DLGAP2: variants seen among roughly 807,000 people sequenced by gnomAD.
DLGAP2 encodes the protein disks large-associated protein 2.
DLGAP2 carries 26 observed loss-of-function variants against 100.3 expected under a neutral mutation model. The observed-to-expected ratio is 0.26, with a 90% confidence interval of 0.19 to 0.36. The LOEUF is 0.36. Among genes scored for constraint, DLGAP2 ranks in the 10% least tolerant of loss-of-function variants. The pLI is 1.00. For synonymous variants in DLGAP2, 886 were observed against 630.1 expected, an observed-to-expected ratio of 1.41 and a Z score of -6.08; for missense variants, 1,858 against 1,453.2, an observed-to-expected ratio of 1.28 and a Z score of -4.53.
intron 2 of DLGAP2, among the ~76,000 whole-genome samples, chr8:1,049,482 C>A (rs562839868): frequency 1.3e-5 from 2 of 152,150 alleles, no homozygotes; most frequent in East Asian, 3.9e-4. Flanking sequence ...ACAATTTACC[C>A]TTTTATCCTT....
chr8:1,547,446 G>A (rs1017584624), intron 4 of DLGAP2, among the ~76,000 whole-genome samples: 2 of 152,044 alleles, frequency 1.3e-5, no homozygotes, highest in Non-Finnish European at 2.9e-5. Flanking sequence ...GGAGGCCATC[G>A]TGATGGTCCT....
intron 1 of DLGAP2, among the ~76,000 whole-genome samples, chr8:872,875 G>A (rs1797624767): frequency 6.6e-6 from 1 of 152,140 alleles, no homozygotes; most frequent in Non-Finnish European, 1.5e-5. Context: ...CCAGGGTGGG[G>A]CAGGTGCCAG....
intron 2 of DLGAP2, among the ~76,000 whole-genome samples, chr8:923,298 C>G (rs926451176): frequency 5.9e-5 from 9 of 152,290 alleles, no homozygotes; most frequent in Middle Eastern, 3.4e-3. Context: ...TCAGTCTTGG[C>G]AGATAAGCTT....
chr8:1,683,954 G>GTTTATATATATATATA (rs1450063590), intron 12 of DLGAP2, among the ~76,000 whole-genome samples: 1 of 74,754 alleles, frequency 1.3e-5, no homozygotes, highest in Non-Finnish European at 2.3e-5. Context: ...ATATATGTGT[G>GTTTATATATATATATA]TATATATATA....
intron 3 of DLGAP2, among the ~76,000 whole-genome samples, chr8:1,453,674 T>C (rs901074050): frequency 6.6e-6 from 1 of 152,178 alleles, no homozygotes; most frequent in Admixed American, 6.5e-5. Flanking sequence ...CCGAACTCTC[T>C]ACCTGGGCCT....
chr8:1,528,989 C>A (rs1054126277), intron 4 of DLGAP2, among the ~76,000 whole-genome samples: 2 of 152,190 alleles, frequency 1.3e-5, no homozygotes, highest in African/African-American at 4.8e-5. Context: ...GATATTTAAC[C>A]TTCCTCATGT....
intron 2 of DLGAP2, among the ~76,000 whole-genome samples, chr8:1,063,188 C>T (rs1420721816): frequency 2.0e-5 from 3 of 152,196 alleles, no homozygotes; most frequent in African/African-American, 7.2e-5. Context: ...CAAAGTGCTG[C>T]CATATATTTG....
intron 2 of DLGAP2, among the ~76,000 whole-genome samples, chr8:1,183,940 T>C (rs908480671): frequency 6.6e-6 from 1 of 152,238 alleles, no homozygotes; most frequent in African/African-American, 2.4e-5. Context: ...ATTGCGTGAT[T>C]ATTACATTAA....
intron 4 of DLGAP2, among the ~76,000 whole-genome samples, chr8:1,546,785 G>A (rs1468331598): frequency 6.6e-6 from 1 of 152,156 alleles, no homozygotes; most frequent in Non-Finnish European, 1.5e-5. Context: ...AGGCTGCTTA[G>A]GGTGGTGGCG....
intron 2 of DLGAP2, among the ~76,000 whole-genome samples, chr8:1,051,354 C>A (rs1802705889): frequency 6.6e-6 from 1 of 152,144 alleles, no homozygotes; most frequent in South Asian, 2.1e-4. Context: ...ATCTTCTCTC[C>A]ATACAAGATC....
intron 2 of DLGAP2, among the ~76,000 whole-genome samples, chr8:1,039,206 G>T (rs1423150221): frequency 6.6e-6 from 1 of 151,438 alleles, no homozygotes; most frequent in Admixed American, 6.6e-5. Flanking sequence ...GGTCAGCTCG[G>T]TGTGCGTGGT....
intron 1 of DLGAP2, among the ~76,000 whole-genome samples, chr8:818,194 C>T (rs528456909): frequency 1.3e-5 from 2 of 152,090 alleles, no homozygotes; most frequent in African/African-American, 2.4e-5. Context: ...GGGGGATGGA[C>T]ATGTGGTTTC....
intron 3 of DLGAP2, chr8:1,369,724 C>G (rs1802191753): frequency 6.6e-6 from 1 of 152,250 alleles, no homozygotes; most frequent in Admixed American, 6.5e-5. Flanking sequence ...TTACCCTAGC[C>G]CTGCCAAGTC....
At chr8:1,452,218 T>G (rs1202836912) in intron 3 of DLGAP2, among the ~76,000 whole-genome samples, 1 of 147,820 alleles carries the variant, frequency 6.8e-6, no homozygotes, top group Non-Finnish European at 1.5e-5. Context: ...ATGTGTTCTG[T>G]GGCTGGGTGT....
At chr8:1,301,230 G>C (rs1800331030) in intron 3 of DLGAP2, 1 of 152,344 alleles carries the variant, frequency 6.6e-6, no homozygotes, top group Non-Finnish European at 1.5e-5. Context: ...TGACGTGGGA[G>C]CTGGACCTGA....
chr8:1,407,933 C>T (rs541152503), intron 3 of DLGAP2, among the ~76,000 whole-genome samples: 84 of 152,366 alleles, frequency 5.5e-4, no homozygotes, highest in Non-Finnish European at 9.3e-4. Flanking sequence ...GGGTCCACCT[C>T]AGGGCTTCCA....
chr8:1,388,007 C>T (rs1796258100), intron 3 of DLGAP2, among the ~76,000 whole-genome samples: 1 of 152,220 alleles, frequency 6.6e-6, no homozygotes, highest in African/African-American at 2.4e-5. Flanking sequence ...CGCAGAGCTG[C>T]TGGAGACTCA....
chr8:814,850 C>CAAAAAAAAAAAAAA (rs34412684), intron 1 of DLGAP2, among the ~76,000 whole-genome samples: 1 of 61,868 alleles, frequency 1.6e-5, no homozygotes, highest in Non-Finnish European at 2.9e-5. Flanking sequence ...GACTCCGTCT[C>CAAAAAAAAAAAAAA]AAAAAAAAAA....
In DLGAP2 at chr8:1,262,377, A is replaced by G. The variant is rs530791788; in HGVS notation, c.106+3494A>G. 2.6e-5 allele frequency: 4 copies of G among 152,336 alleles called. No homozygotes were observed. The East Asian group carries it at 7.7e-4, about 29-fold the overall frequency. 9.4% of individuals were successfully genotyped at this position (152,336 alleles called of 1,614,324 possible). On this transcript the variant is annotated intron_variant, in intron 3 of 14. Transcript: ENST00000637795. ...TTCATGAGATAAAAATGTTTAAAAG[A>G]TTGATTATTATTTACTGGTACCTTT...
Sources: gnomAD v4.1 joint callset for allele counts (sites outside exome capture counted in the v4.1 genomes callset) on GRCh38, gnomAD v4.1.1 for gene constraint, MANE v1.5 for transcripts, NCBI Gene and HGNC (gene_info 2026-07-23, HGNC 2026-07-21) for gene names.